Variants in OSBPL11 observed in about 807,000 individuals in gnomAD.
OSBPL11 encodes the protein oxysterol binding protein like 11.
In OSBPL11, 33 loss-of-function variants were observed where a neutral mutation model predicts 84.4. The ratio of observed to expected loss-of-function variants is 0.39; its 90% CI spans 0.30 to 0.52. The LOEUF is 0.52. OSBPL11 is among the 20% of genes least tolerant of loss of function. The pLI is 0.72. For missense variants in OSBPL11, 736 were observed against 901.1 expected, an observed-to-expected ratio of 0.82 and a Z score of 2.35; for synonymous variants, 276 against 310.2, an observed-to-expected ratio of 0.89 and a Z score of 1.16.
chr3:125,586,348 C>T (rs35470634), intron 1 of OSBPL11, among the ~76,000 whole-genome samples: 10,382 of 152,196 alleles, frequency 0.068, 493 homozygotes, highest in Non-Finnish European at 0.1. Context: ...AACTTGTTAA[C>T]ATTTAATTGG....
At position 125,552,161 on chromosome 3, in the gene OSBPL11, A is replaced by AT; in HGVS notation, c.1654+19_1654+20insA. The AT allele has an allele frequency of 2.2e-6, 3 of 1,360,120 alleles. No individual in the cohort carries two copies. Among genetic ancestry groups the AT allele is most frequent in the East Asian group, 2.4e-5 (1 of 41,566 alleles). The allele number at this position is 1,360,120 out of a possible 1,614,324, so 84.3% of individuals were successfully genotyped here. ...TGTGTGTATATATATATATATATAT[A>AT]AAATAATTTTTCTACTTACCTTCTC... On this transcript the variant is annotated intron_variant, in intron 9 of 12. Transcript: ENST00000296220.
At chr3:125,585,151 G>C (rs894425626) in intron 1 of OSBPL11, among the ~76,000 whole-genome samples, 2 of 151,946 alleles carry the variant, frequency 1.3e-5, no homozygotes, top group Non-Finnish European at 2.9e-5. Flanking sequence ...TTTTAATTGC[G>C]ACAGAGTCTC....
intron 10 of OSBPL11, 82 bp from the exon 11 acceptor site, chr3:125,538,715 C>T: frequency 1.6e-6 from 2 of 1,244,006 alleles, no homozygotes; most frequent in African/African-American, 3.0e-5. Context: ...AAGAACACAG[C>T]CTGTGAATCC....
Position 125,529,385 on chromosome 3 carries a change from C to T in OSBPL11, c.*1130G>A, listed in dbSNP as rs1307024311. 1 of 151,828 alleles carries T rather than the reference C, an allele frequency of 6.6e-6. No individual in the cohort carries two copies. The highest frequency in any genetic ancestry group is 1.5e-5 in the Non-Finnish European group (1 of 67,980). 9.4% of individuals were successfully genotyped at this position (151,828 alleles called of 1,614,324 possible). A position where few individuals can be genotyped will look rare whatever the true frequency, so the allele number is the denominator to read the frequency against. On this transcript the variant is annotated 3_prime_UTR_variant, in exon 13 of 13. Transcript: ENST00000296220. ...AAAAAAGATTTGTACCTGAATACAA[C>T]TTCCTGATCTTTTTTTCCTGATACC...
chr3:125,554,233 A>G (rs1235699041), intron 8 of OSBPL11, among the ~76,000 whole-genome samples: 1 of 152,206 alleles, frequency 6.6e-6, no homozygotes, highest in African/African-American at 2.4e-5. Context: ...AAGGAATTCT[A>G]AGAGAGTGGA....
chr3:125,556,128 A>C (rs1373797123), intron 8 of OSBPL11, among the ~76,000 whole-genome samples: 2 of 152,230 alleles, frequency 1.3e-5, no homozygotes, highest in African/African-American at 4.8e-5. Context: ...GCAACCAAGA[A>C]AGAAGAAACG....
chr3:125,546,349 T>C (rs1219893072), intron 10 of OSBPL11, among the ~76,000 whole-genome samples: 2 of 151,810 alleles, frequency 1.3e-5, no homozygotes, highest in Non-Finnish European at 2.9e-5. Context: ...TCTTTTTTTT[T>C]TGAGACGGAG....
At chr3:125,593,905 T>G (rs769976854) in intron 1 of OSBPL11, among the ~76,000 whole-genome samples, 1 of 152,154 alleles carries the variant, frequency 6.6e-6, no homozygotes, top group African/African-American at 2.4e-5. Flanking sequence ...CTTAAGGTTC[T>G]GGATAGTTCT....
chr3:125,535,352 T>C (rs1472639991), intron 11 of OSBPL11, among the ~76,000 whole-genome samples: 1 of 149,548 alleles, frequency 6.7e-6, no homozygotes, highest in African/African-American at 2.5e-5. Flanking sequence ...AACCTTCCCC[T>C]AAAGAAAAGA....
intron 4 of OSBPL11, 63 bp downstream of exon 4, chr3:125,578,897 C>CA: frequency 4.6e-6 from 5 of 1,090,180 alleles, no homozygotes; most frequent in Non-Finnish European, 6.4e-6. Flanking sequence ...TTTTAAAAGG[C>CA]AAAAAATAAA....
chr3:125,539,074 A>G (rs1442957529), intron 10 of OSBPL11, among the ~76,000 whole-genome samples: 1 of 151,756 alleles, frequency 6.6e-6, no homozygotes, highest in African/African-American at 2.4e-5. Context: ...TTCTGCATAC[A>G]TCAATCCCGT....
chr3:125,556,541 C>T (rs1935993744), intron 8 of OSBPL11, among the ~76,000 whole-genome samples: 3 of 152,190 alleles, frequency 2.0e-5, no homozygotes, highest in Admixed American at 6.5e-5. Flanking sequence ...ACACCAAATG[C>T]TCTGGGATGT....
intron 1 of OSBPL11, among the ~76,000 whole-genome samples, chr3:125,583,286 T>C (rs967655472): frequency 3.3e-5 from 5 of 151,698 alleles, no homozygotes; most frequent in Non-Finnish European, 5.9e-5. Flanking sequence ...ACTATAAGTA[T>C]TATAAGTGGG....
At chr3:125,593,091 A>G (rs987558038) in intron 1 of OSBPL11, among the ~76,000 whole-genome samples, 7 of 152,174 alleles carry the variant, frequency 4.6e-5, no homozygotes, top group African/African-American at 1.7e-4. Flanking sequence ...GGCACCTCAC[A>G]ACCAACTTAA....
At chr3:125,546,466 G>A (rs1466369928) in intron 10 of OSBPL11, among the ~76,000 whole-genome samples, 1 of 152,008 alleles carries the variant, frequency 6.6e-6, no homozygotes, top group Non-Finnish European at 1.5e-5. Context: ...CTGAATAGCT[G>A]GGATTACAGG....
rs958133932 is a variant in OSBPL11, at chr3:125,584,581, T to G, written c.165-1603A>C. ...TAGGTTCTCTACACCAAGCTTTCAT[T>G]ACTACATAAATGTCAAGTCATAGCC... On this transcript the variant is annotated intron_variant, in intron 1 of 12. Transcript: ENST00000296220. 4.7e-4 allele frequency among the ~76,000 whole-genome samples: 72 copies of G among 152,292 alleles called. 1 individual carries two copies. Among genetic ancestry groups the G allele is most frequent in the African/African-American group, 1.6e-3 (68 of 41,574 alleles).
At chr3:125,590,673 C>T (rs1459902913) in intron 1 of OSBPL11, among the ~76,000 whole-genome samples, 1 of 152,002 alleles carries the variant, frequency 6.6e-6, no homozygotes, top group Non-Finnish European at 1.5e-5. Context: ...AGAATTCATT[C>T]TTTCGTTGTT....
At chr3:125,550,277 G>T (rs1452647595) in intron 9 of OSBPL11, among the ~76,000 whole-genome samples, 1 of 152,020 alleles carries the variant, frequency 6.6e-6, no homozygotes, top group African/African-American at 2.4e-5. Context: ...GTGGAAGCTG[G>T]GGTGGGAGGA....
rs1314696933 is a variant in OSBPL11, at chr3:125,552,277, C to T, written c.1558G>A (p.Ala520Thr). 6.2e-7 allele frequency: 1 copy of T among 1,614,040 alleles called. No individual in the cohort carries two copies. Residue 520 changes from alanine (A) to threonine (T), a missense_variant, in exon 9 of 13, where the codon GCA (alanine) becomes ACA (threonine). This residue lies in a region of OSBPL11 where 579 missense variants were observed against 717.6 expected (regional missense o/e 0.81). Coordinates refer to ENST00000296220, the MANE Select transcript of OSBPL11 (RefSeq NM_022776.5). ...SHHPPVSGFY[A>T]ECTERKMCVN... ...CACATCTTCCTCTCTGTACATTCTG[C>T]ATAAAATCCTGAGACTGGAGGATGA...
Sources: gnomAD v4.1 joint callset for allele counts (sites outside exome capture counted in the v4.1 genomes callset) on GRCh38, gnomAD v4.1.1 for gene constraint, gnomAD v4.1.1 regional missense constraint, MANE v1.5 for transcripts, NCBI Gene and HGNC (gene_info 2026-07-23, HGNC 2026-07-21) for gene names.